Variants in STAU2 observed in about 807,000 individuals in gnomAD.
STAU2 encodes the protein staufen double-stranded RNA binding protein 2, also known as double-stranded RNA-binding protein Staufen homolog 2.
In STAU2, 20 loss-of-function variants were observed where a neutral mutation model predicts 65.9. That is an observed-to-expected ratio of 0.30 (90% CI 0.21 to 0.44). The LOEUF is 0.44. Among genes scored for constraint, STAU2 ranks in the 20% least tolerant of loss-of-function variants. STAU2 has a pLI of 1.00. For missense variants in STAU2, 558 were observed against 683.9 expected, an observed-to-expected ratio of 0.82 and a Z score of 2.05; for synonymous variants, 232 against 233.9, an observed-to-expected ratio of 0.99 and a Z score of 0.07.
intron 12 of STAU2, among the ~76,000 whole-genome samples, chr8:73,577,390 G>A (rs984226176): frequency 2.0e-5 from 3 of 148,818 alleles, no homozygotes; most frequent in African/African-American, 5.0e-5. Context: ...TTGCGCCACT[G>A]CACTCCAGCC....
chr8:73,734,915 C>A (rs921382919), intron 3 of STAU2, among the ~76,000 whole-genome samples: 1 of 152,072 alleles, frequency 6.6e-6, no homozygotes, highest in African/African-American at 2.4e-5. Flanking sequence ...AAAATCTCAA[C>A]TCTTTCAAGC....
chr8:73,508,619 T>C (rs534679552), intron 13 of STAU2, among the ~76,000 whole-genome samples: 10 of 152,316 alleles, frequency 6.6e-5, no homozygotes, highest in South Asian at 6.2e-4. Context: ...ATGGTGCTGA[T>C]AGACGCTCGA....
chr8:73,513,251 G>A (rs1822515403), intron 13 of STAU2, among the ~76,000 whole-genome samples: 1 of 151,992 alleles, frequency 6.6e-6, no homozygotes, highest in Non-Finnish European at 1.5e-5. Context: ...ATGGTGCATC[G>A]CTGCTTATCT....
At chr8:73,719,435 A>C (rs1017184026) in intron 3 of STAU2, among the ~76,000 whole-genome samples, 1 of 152,164 alleles carries the variant, frequency 6.6e-6, no homozygotes, top group South Asian at 2.1e-4. Flanking sequence ...AATAAGTACA[A>C]GGTCAGCTAA....
At chr8:73,637,269 A>G (rs910041894) in intron 6 of STAU2, among the ~76,000 whole-genome samples, 2 of 151,748 alleles carry the variant, frequency 1.3e-5, no homozygotes, top group African/African-American at 4.8e-5. Context: ...GGTAAAAGGC[A>G]TATTTACATA....
intron 1 of STAU2, among the ~76,000 whole-genome samples, chr8:73,745,868 C>T (rs1157654052): frequency 6.6e-6 from 1 of 152,104 alleles, no homozygotes; most frequent in East Asian, 1.9e-4. Context: ...ACGGCCATTA[C>T]CCCCACCGCC....
At chr8:73,482,270 C>T (rs16938680) in intron 13 of STAU2, among the ~76,000 whole-genome samples, 14,429 of 151,692 alleles carry the variant, frequency 0.095, 1,095 homozygotes, top group African/African-American at 0.19. Context: ...GAATTCCCAC[C>T]GGGGCCACCA....
At chr8:73,471,585 G>A (rs542946551) in intron 13 of STAU2, among the ~76,000 whole-genome samples, 7 of 150,672 alleles carry the variant, frequency 4.6e-5, no homozygotes, top group South Asian at 2.1e-4. Context: ...TTGGGAGGCC[G>A]AGGTGGGTAA....
intron 13 of STAU2, among the ~76,000 whole-genome samples, chr8:73,515,388 C>A (rs1822649737): frequency 6.6e-6 from 1 of 152,148 alleles, no homozygotes; most frequent in South Asian, 2.1e-4. Flanking sequence ...GACTGATACT[C>A]TCTGGATTTC....
chr8:73,629,925 T>C (rs1027203513), intron 6 of STAU2, among the ~76,000 whole-genome samples: 1 of 152,126 alleles, frequency 6.6e-6, no homozygotes, highest in Non-Finnish European at 1.5e-5. Context: ...GGCTAATTTT[T>C]TTTTATTTTT....
chr8:73,566,498 T>C (rs531847462), intron 12 of STAU2, among the ~76,000 whole-genome samples: 1 of 152,346 alleles, frequency 6.6e-6, no homozygotes, highest in East Asian at 1.9e-4. Flanking sequence ...GTACATGATA[T>C]ATAAAACATT....
At chr8:73,695,263 A>C (rs562084761) in intron 4 of STAU2, among the ~76,000 whole-genome samples, 1 of 152,210 alleles carries the variant, frequency 6.6e-6, no homozygotes, top group Non-Finnish European at 1.5e-5. Context: ...TGCATTTTGG[A>C]TATCAGCTAA....
Position 73,430,725 on chromosome 8 carries a change from G to C in STAU2, c.1531-8023C>G, listed in dbSNP as rs7821765. On this transcript the variant is annotated intron_variant, in intron 13 of 14. Transcript: ENST00000524300. ...TGTTTTACTACATACCTCCAAACCT[G>C]TTCAGAAGATGGTAAAATCAACAAT... Among the ~76,000 whole-genome samples, 1,078 of 152,256 alleles carry C rather than the reference G, an allele frequency of 7.1e-3. 17 individuals are homozygous for C. Among genetic ancestry groups the C allele is most frequent in the African/African-American group, 0.025 (1,037 of 41,548 alleles).
chr8:73,463,305 C>T (rs543029961), intron 13 of STAU2, among the ~76,000 whole-genome samples: 4 of 152,230 alleles, frequency 2.6e-5, no homozygotes, highest in South Asian at 2.1e-4. Flanking sequence ...TGACCTGCCT[C>T]GAACTGATGA....
At chr8:73,512,308 G>A (rs1822450461) in intron 13 of STAU2, among the ~76,000 whole-genome samples, 1 of 152,062 alleles carries the variant, frequency 6.6e-6, no homozygotes, top group South Asian at 2.1e-4. Flanking sequence ...ATTTTGACAG[G>A]GATTGTATTA....
intron 10 of STAU2, among the ~76,000 whole-genome samples, chr8:73,601,766 T>C (rs1252366891): frequency 6.6e-6 from 1 of 152,232 alleles, no homozygotes; most frequent in African/African-American, 2.4e-5. Context: ...TAAGATATGC[T>C]AAATTCCTCT....
intron 11 of STAU2, among the ~76,000 whole-genome samples, chr8:73,588,202 A>G (rs1005106174): frequency 2.6e-5 from 4 of 152,274 alleles, no homozygotes; most frequent in Admixed American, 6.5e-5. Flanking sequence ...AAGGTAAACA[A>G]GCAAAATGAA....
At chr8:73,679,085 T>C (rs1483147653) in intron 5 of STAU2, among the ~76,000 whole-genome samples, 1 of 152,186 alleles carries the variant, frequency 6.6e-6, no homozygotes, top group African/African-American at 2.4e-5. Context: ...GACTAGAAGG[T>C]AACCACTTGA....
intron 5 of STAU2, among the ~76,000 whole-genome samples, chr8:73,686,307 T>C (rs1818810375): frequency 6.6e-6 from 1 of 151,974 alleles, no homozygotes; most frequent in Non-Finnish European, 1.5e-5. Flanking sequence ...TCCCAGCACT[T>C]TGGGAGGCCG....
Sources: gnomAD v4.1 joint callset for allele counts (sites outside exome capture counted in the v4.1 genomes callset) on GRCh38, gnomAD v4.1.1 for gene constraint, MANE v1.5 for transcripts, NCBI Gene and HGNC (gene_info 2026-07-23, HGNC 2026-07-21) for gene names.